TMEFF2: variants seen among roughly 807,000 people sequenced by gnomAD.
The protein encoded by TMEFF2 is transmembrane protein with EGF like and two follistatin like domains 2.
In TMEFF2, 28 loss-of-function variants were observed where a neutral mutation model predicts 53.8. That is an observed-to-expected ratio of 0.52 (90% CI 0.39 to 0.71). The LOEUF is 0.71. TMEFF2 is among the 30% of genes least tolerant of loss of function. TMEFF2 has a pLI of 0.00. For synonymous variants in TMEFF2, 162 were observed against 166.3 expected (o/e 0.97, Z 0.20); for missense variants, 353 against 455.2 (o/e 0.78, Z 2.04).
chr2:192,149,709 C>G (rs574580406), intron 4 of TMEFF2, among the ~76,000 whole-genome samples: 1 of 151,948 alleles, frequency 6.6e-6, no homozygotes, highest in Admixed American at 6.6e-5. Context: ...TACTGTCTGC[C>G]TTAAGAACAG....
chr2:191,953,080 G>A (rs530858914), intron 9 of TMEFF2, among the ~76,000 whole-genome samples: 57 of 152,268 alleles, frequency 3.7e-4, no homozygotes, highest in South Asian at 8.3e-4. Flanking sequence ...AGCAAGTACT[G>A]GCCTCATTCC....
chr2:192,186,488 T>C (rs1014663383), intron 2 of TMEFF2, among the ~76,000 whole-genome samples: 13 of 152,110 alleles, frequency 8.5e-5, no homozygotes, highest in Non-Finnish European at 2.9e-5. Flanking sequence ...CAGGAGAATG[T>C]AGGTAGGATT....
intron 4 of TMEFF2, chr2:192,179,360 T>C (rs914528542): frequency 1.3e-5 from 4 of 307,312 alleles, no homozygotes; most frequent in East Asian, 5.0e-5. Flanking sequence ...CTGCCAAATA[T>C]GCTTACATGC....
chr2:192,086,367 A>G (rs10171733), intron 4 of TMEFF2, among the ~76,000 whole-genome samples: 16,981 of 152,180 alleles, frequency 0.11, 2,176 homozygotes, highest in African/African-American at 0.32. Flanking sequence ...ATTTCTTTAG[A>G]AAATAATATC....
At position 192,132,147 on chromosome 2, in the gene TMEFF2, G is replaced by A. The variant is rs576691363; in HGVS notation, c.439+47521C>T. On this transcript the variant is annotated intron_variant, in intron 4 of 9. Transcript: ENST00000272771. ...AGGCCCCAATTCTTCCTCAGCCTCCGCTCCTCCACCCTGTAATCTTTTTAT... is the reference window on the plus strand; with the variant it reads ...AGGCCCCAATTCTTCCTCAGCCTCCACTCCTCCACCCTGTAATCTTTTTAT... 5.7e-4 allele frequency among the ~76,000 whole-genome samples: 87 copies of A among 151,928 alleles called. 1 individual carries two copies. The highest frequency in any genetic ancestry group is 4.2e-3 in the South Asian group (20 of 4,796).
chr2:192,121,193 G>T (rs549549638), intron 4 of TMEFF2, among the ~76,000 whole-genome samples: 344 of 152,246 alleles, frequency 2.3e-3, no homozygotes, highest in Non-Finnish European at 3.7e-3. Context: ...CACAATCAGC[G>T]CTAAGAAGAT....
At chr2:192,114,250 A>C (rs1311638810) in intron 4 of TMEFF2, among the ~76,000 whole-genome samples, 1 of 152,018 alleles carries the variant, frequency 6.6e-6, no homozygotes, top group Non-Finnish European at 1.5e-5. Context: ...ATGAAAATAA[A>C]GTTTGGATAA....
chr2:192,105,091 C>A (rs1689115767), intron 4 of TMEFF2, among the ~76,000 whole-genome samples: 1 of 151,778 alleles, frequency 6.6e-6, no homozygotes, highest in Non-Finnish European at 1.5e-5. Flanking sequence ...TTTAAATATT[C>A]ATATAAAGTT....
intron 4 of TMEFF2, among the ~76,000 whole-genome samples, chr2:192,060,545 C>T (rs1396094985): frequency 6.6e-6 from 1 of 152,120 alleles, no homozygotes; most frequent in Non-Finnish European, 1.5e-5. Flanking sequence ...TTTTATAACA[C>T]AGCTTTAGTT....
intron 4 of TMEFF2, among the ~76,000 whole-genome samples, chr2:192,114,813 A>C (rs997687261): frequency 3.9e-5 from 6 of 151,948 alleles, no homozygotes; most frequent in Non-Finnish European, 7.4e-5. Context: ...AAAGTGTCAA[A>C]ATGTCAATAC....
intron 4 of TMEFF2, among the ~76,000 whole-genome samples, chr2:192,074,968 CTT>C (rs1688374028): frequency 6.6e-6 from 1 of 151,244 alleles, no homozygotes; most frequent in Non-Finnish European, 1.5e-5. Context: ...ATATATTTCT[CTT>C]GATAAATAAA....
chr2:192,074,406 T>C (rs1001726742), intron 4 of TMEFF2, among the ~76,000 whole-genome samples: 1 of 151,902 alleles, frequency 6.6e-6, no homozygotes, highest in African/African-American at 2.4e-5. Flanking sequence ...ATCCATTTTG[T>C]TGGGTGATCA....
intron 7 of TMEFF2, among the ~76,000 whole-genome samples, chr2:191,965,990 G>GA (rs11347194): frequency 0.013 from 1,821 of 141,148 alleles, 23 homozygotes; most frequent in African/African-American, 0.041. Context: ...TTTGATTTAA[G>GA]AAAAAAAAAA....
chr2:192,192,127 C>T, intron 1 of TMEFF2, 138 bp from the exon 2 acceptor site: 1 of 588,692 alleles, frequency 1.7e-6, no homozygotes, highest in Non-Finnish European at 3.0e-6. Context: ...AGGTCACTGT[C>T]TACTGATAAC....
At chr2:192,165,102 C>T (rs943484397) in intron 4 of TMEFF2, among the ~76,000 whole-genome samples, 16 of 151,584 alleles carry the variant, frequency 1.1e-4, no homozygotes, top group South Asian at 2.1e-4. Context: ...TGACTAGTGC[C>T]GTATTTCTCC....
chr2:191,950,685 T>G (rs1691849119), intron 9 of TMEFF2, among the ~76,000 whole-genome samples: 1 of 152,184 alleles, frequency 6.6e-6, no homozygotes, highest in Non-Finnish European at 1.5e-5. Flanking sequence ...GCACAAAGAA[T>G]GACTCAGCAC....
At chr2:192,088,759 A>G (rs10178819) in intron 4 of TMEFF2, among the ~76,000 whole-genome samples, 78,371 of 151,856 alleles carry the variant, frequency 0.52, 20,380 homozygotes, top group East Asian at 0.6. Context: ...TTCTTCTGCC[A>G]TCCCTAAATG....
chr2:192,023,298 T>C (rs1163033936), intron 5 of TMEFF2, among the ~76,000 whole-genome samples: 1 of 152,206 alleles, frequency 6.6e-6, no homozygotes, highest in Non-Finnish European at 1.5e-5. Flanking sequence ...ACTCTGCCTA[T>C]ATTCTCTACC....
At chr2:191,959,334 C>T (rs1312108363) in intron 7 of TMEFF2, among the ~76,000 whole-genome samples, 1 of 152,126 alleles carries the variant, frequency 6.6e-6, no homozygotes, top group Non-Finnish European at 1.5e-5. Context: ...TTTGAAAAAA[C>T]AATTCTGATA....
Sources: gnomAD v4.1 joint callset for allele counts (sites outside exome capture counted in the v4.1 genomes callset) on GRCh38, gnomAD v4.1.1 for gene constraint, MANE v1.5 for transcripts, NCBI Gene and HGNC (gene_info 2026-07-23, HGNC 2026-07-21) for gene names.